Variants in NSD1 observed in about 807,000 individuals in gnomAD.
The protein encoded by NSD1 is histone-lysine N-methyltransferase, H3 lysine-36 specific.
Under a neutral mutation model 242.7 loss-of-function variants are expected in NSD1, and 26 were observed. The observed-to-expected ratio is 0.11, with a 90% confidence interval of 0.08 to 0.15. The LOEUF (loss-of-function observed/expected upper bound fraction) is 0.15, where lower values mean the gene tolerates loss of function less well. Among genes scored for constraint, NSD1 ranks in the 10% least tolerant of loss-of-function variants. The probability of loss-of-function intolerance (pLI) is 1.00; values close to 1 mark genes in which losing one functional copy is unlikely to be tolerated. For missense variants in NSD1, 2,495 were observed against 3,272.8 expected (o/e 0.76, Z 5.80); for synonymous variants, 1,106 against 1,178.1 (o/e 0.94, Z 1.25).
At chr5:177,245,315 A>G (rs1346308980) in intron 9 of NSD1, among the ~76,000 whole-genome samples, 1 of 152,212 alleles carries the variant, frequency 6.6e-6, no homozygotes, top group African/African-American at 2.4e-5. Context: ...AACCTACAAC[A>G]TGAACTTTAT....
chr5:177,189,787 A>G (rs1218249110), intron 2 of NSD1, among the ~76,000 whole-genome samples: 1 of 152,202 alleles, frequency 6.6e-6, no homozygotes, highest in Non-Finnish European at 1.5e-5. Flanking sequence ...TATTTAAATA[A>G]TCAAAAATCA....
rs1660886828 is a variant in NSD1 at position 177,295,152 on chromosome 5, A to G, written c.7784A>G (p.Lys2595Arg). Residue 2595 changes from lysine (K) to arginine (R), a missense_variant, in exon 23 of 23, where the codon AAG (lysine) becomes AGG (arginine). By Grantham distance (26) the Lys-to-Arg change is conservative. Around this residue, in one of 19 missense-constraint regions of NSD1, gnomAD observed 475 missense variants for 563.7 expected, o/e 0.84. Transcript: ENST00000439151. The surrounding 1 kb of genome is among the most constrained non-coding windows in gnomAD (Gnocchi z 4.3). ...GGQQLPALAA[K>R]SGQSFRSLGK... ...CAGCAACTACCTGCACTTGCCGCCAAGAGTGGGCAATCTTTTAGGTCTCTC... is the reference window on the plus strand; with the variant it reads ...CAGCAACTACCTGCACTTGCCGCCAGGAGTGGGCAATCTTTTAGGTCTCTC... 1 of 1,614,060 alleles carries G rather than the reference A, an allele frequency of 6.2e-7. No individual in the cohort carries two copies. Among genetic ancestry groups the G allele is most frequent in the African/African-American group, 1.3e-5 (1 of 74,940 alleles).
chr5:177,144,653 C>T (rs533907892), intron 2 of NSD1, among the ~76,000 whole-genome samples: 1 of 152,124 alleles, frequency 6.6e-6, no homozygotes, highest in South Asian at 2.1e-4. Flanking sequence ...TTCAGGGGAG[C>T]CCATTGAAAG....
At chr5:177,197,365 A>G (rs996800894) in intron 3 of NSD1, among the ~76,000 whole-genome samples, 1 of 152,044 alleles carries the variant, frequency 6.6e-6, no homozygotes, top group African/African-American at 2.4e-5. Flanking sequence ...GCTCACGCCT[A>G]TAATCCCAGC....
chr5:177,214,668 C>CT lies in NSD1; in HGVS notation c.3796+2490dup, dbSNP rs35392696. 7.4e-3 allele frequency among the ~76,000 whole-genome samples: 919 copies of CT among 123,658 alleles called. 9 individuals carry two copies. The highest frequency in any genetic ancestry group is 0.024 in the African/African-American group (788 of 32,938). 81.1% of individuals were successfully genotyped at this position (123,658 alleles called of 152,430 possible). A position where few individuals can be genotyped will look rare whatever the true frequency, so the allele number is the denominator to read the frequency against. The stretch of plus-strand genomic sequence containing the variant: ...ATGTTGTAGCATATGACAGGATCAC[C>CT]TTTTTTTTTTTTTTTTTGAGACAGA... On this transcript the variant is annotated intron_variant, in intron 5 of 22. Coordinates refer to ENST00000439151, the MANE Select transcript of NSD1 (RefSeq NM_022455.5).
intron 2 of NSD1, among the ~76,000 whole-genome samples, chr5:177,186,637 G>T (rs1761255969): frequency 6.6e-6 from 1 of 152,164 alleles, no homozygotes; most frequent in Non-Finnish European, 1.5e-5. Context: ...TTCGAAGATG[G>T]TAGTGACGAG....
rs754683310 is a variant in NSD1, at chr5:177,211,908, C to T, written c.3509C>T (p.Pro1170Leu). Reference sequence around the variant, plus strand: ...CGTTTAAACCAAAGGCGCACTAAACCTCGTAAGCGCATGAACAGATTTAAA... The same window carrying T: ...CGTTTAAACCAAAGGCGCACTAAACTTCGTAAGCGCATGAACAGATTTAAA... ...WQRLNQRRTK[P>L]RKRMNRFKEK... The change falls in exon 5 of 23, where the codon CCT becomes CTT. Residue 1170 changes from proline (P) to leucine (L), a missense_variant. Physicochemically the swap from Pro to Leu is moderately conservative, Grantham distance 98. Around this residue, in one of 19 missense-constraint regions of NSD1, gnomAD observed 426 missense variants for 411.4 expected, o/e 1.04. Transcript: ENST00000439151. 26 of 1,608,284 alleles carry T rather than the reference C, an allele frequency of 1.6e-5. No homozygotes were observed. The highest frequency in any genetic ancestry group is 2.1e-5 in the Non-Finnish European group (25 of 1,177,246).
At position 177,213,068 on chromosome 5, in the gene NSD1, A is replaced by G. The variant is rs554406876; in HGVS notation, c.3796+873A>G. Among the ~76,000 whole-genome samples, 117 of 152,346 alleles carry G rather than the reference A, an allele frequency of 7.7e-4. No homozygotes were observed. The Middle Eastern group carries it at 0.027, about 35-fold the overall frequency. ...AAGGTCTTAGGTGTCTTAAATTCCT[A>G]CTGGAATGAGGATTATGAACAAATA... On this transcript the variant is annotated intron_variant, in intron 5 of 22. Transcript: ENST00000439151.
chr5:177,294,522 G>T lies in NSD1; in HGVS notation c.7154G>T (p.Arg2385Ile). The T allele has an allele frequency of 6.2e-7, 1 of 1,614,174 alleles. No individual in the cohort carries two copies. Among genetic ancestry groups the T allele is most frequent in the Non-Finnish European group, 8.5e-7 (1 of 1,180,038 alleles). ...AAAACCTCAGTTCCCACTGGCCTGA[G>T]ACTTCCGCCGCCAGACAGACTGCTC... is the stretch of plus-strand genomic sequence containing the variant. ...LEKTSVPTGL[R>I]LPPPDRLLIT... The change falls in exon 23 of 23, where the codon AGA becomes ATA. Residue 2385 changes from arginine (R) to isoleucine (I), a missense_variant. Transcript: ENST00000439151.
At position 177,280,654 on chromosome 5, in the gene NSD1, C is replaced by T. The variant is rs756321444; in HGVS notation, c.5712C>T (p.Pro1904=). The T allele has an allele frequency of 8.5e-5, 138 of 1,614,078 alleles. 3 individuals carry two copies. The Admixed American group carries it at 2.0e-3, about 24-fold the overall frequency. Residue 1904 remains proline, a synonymous_variant, in exon 18 of 23, where the codon CCC becomes CCT. Transcript: ENST00000439151. ...ACTGTAAAGCTACTGATGAGAACCC[C>T]TGTGGGATAGACTCTGAATGCATCA... ...RCNCKATDEN[P]CGIDSECINR...
intron 14 of NSD1, chr5:177,266,198 C>G (rs1403073972): frequency 8.0e-6 from 8 of 1,003,578 alleles, no homozygotes; most frequent in South Asian, 2.5e-5. Flanking sequence ...AGGCAGTTAG[C>G]CCATCCACTT....
chr5:177,278,780 C>T (rs796794953), intron 17 of NSD1, among the ~76,000 whole-genome samples: 6 of 152,176 alleles, frequency 3.9e-5, no homozygotes, highest in African/African-American at 1.4e-4. Context: ...ATTTTTTGTG[C>T]GGTTTGTGTC....
rs1300351459 is a variant in NSD1 at position 177,299,650 on chromosome 5, GT to G, written c.*4194del. 4.3e-6 allele frequency: 1 copy of G among 233,214 alleles called. No individual in the cohort carries two copies. The highest frequency in any genetic ancestry group is 2.2e-5 in the African/African-American group (1 of 45,352). 14.4% of individuals were successfully genotyped at this position (233,214 alleles called of 1,614,324 possible). A position where few individuals can be genotyped will look rare whatever the true frequency, so the allele number is the denominator to read the frequency against. On this transcript the variant is annotated 3_prime_UTR_variant, in exon 23 of 23. Coordinates refer to ENST00000439151, the MANE Select transcript of NSD1 (RefSeq NM_022455.5). ...CACAACCTCGGAAGAAGTGTTTCGA[GT>G]TTAACATGCGCTGTTTCTGCTTATG...
chr5:177,253,067 G>C (rs1756134582), intron 12 of NSD1, among the ~76,000 whole-genome samples: 1 of 152,158 alleles, frequency 6.6e-6, no homozygotes, highest in Non-Finnish European at 1.5e-5. Context: ...TGTAGGGGCA[G>C]ATGCAGCAAA....
chr5:177,242,996 A>G (rs910998785), intron 8 of NSD1, among the ~76,000 whole-genome samples: 1 of 152,224 alleles, frequency 6.6e-6, no homozygotes, highest in Non-Finnish European at 1.5e-5. Context: ...GCTCTTGATT[A>G]GACTCCTGAT....
chr5:177,295,248 T>C lies in NSD1; in HGVS notation c.7880T>C (p.Leu2627Pro). 1.2e-6 allele frequency: 2 copies of C among 1,614,166 alleles called. No homozygotes were observed. The highest frequency in any genetic ancestry group is 1.7e-5 in the Admixed American group (1 of 60,022). ...LVTTEQSPWA[L>P]GKASSRAGLW... ...ACCACAGAGCAAAGTCCCTGGGCCC[T>C]GGGAAAAGCCTCATCACGGGCAGGG... Residue 2627 changes from leucine to proline, a missense_variant, in exon 23 of 23, where the codon CTG (leucine) becomes CCG (proline). Around this residue, in one of 19 missense-constraint regions of NSD1, gnomAD observed 475 missense variants for 563.7 expected, o/e 0.84. Coordinates refer to ENST00000439151, the MANE Select transcript of NSD1 (RefSeq NM_022455.5). The surrounding 1 kb of genome is among the most constrained non-coding windows in gnomAD (Gnocchi z 4.3).
chr5:177,137,967 C>T (rs1756477618), intron 2 of NSD1, among the ~76,000 whole-genome samples: 2 of 151,644 alleles, frequency 1.3e-5, no homozygotes, highest in Middle Eastern at 3.4e-3. Context: ...CCCAGCTACT[C>T]GAGAGGCTGA....
chr5:177,170,652 C>T (rs778772603), intron 2 of NSD1, among the ~76,000 whole-genome samples: 42 of 152,192 alleles, frequency 2.8e-4, no homozygotes, highest in Non-Finnish European at 5.6e-4. Flanking sequence ...TGCGCCTGGC[C>T]AACTTCATTT....
chr5:177,144,999 C>T (rs746648660), intron 2 of NSD1, among the ~76,000 whole-genome samples: 2 of 150,874 alleles, frequency 1.3e-5, no homozygotes, highest in East Asian at 2.0e-4. Flanking sequence ...GCAGGAGGAT[C>T]GCTTGAACCC....
Sources: gnomAD v4.1 joint callset for allele counts (sites outside exome capture counted in the v4.1 genomes callset) on GRCh38, gnomAD v4.1.1 for gene constraint, gnomAD v4.1.1 regional missense constraint, Gnocchi (gnomAD v3.1) non-coding constraint, MANE v1.5 for transcripts, NCBI Gene and HGNC (gene_info 2026-07-23, HGNC 2026-07-21) for gene names.